Variants in FAM47E observed in about 807,000 individuals in gnomAD.
FAM47E encodes the protein family with sequence similarity 47 member E, also known as protein FAM47E.
FAM47E carries 32 observed loss-of-function variants against 41.6 expected under a neutral mutation model. The ratio of observed to expected loss-of-function variants is 0.77; its 90% CI spans 0.58 to 1.03. The LOEUF is 1.03. FAM47E is among the 50% of genes least tolerant of loss of function. The probability of loss-of-function intolerance (pLI) is 0.00; values close to 1 mark genes in which losing one functional copy is unlikely to be tolerated. For synonymous variants in FAM47E, 184 were observed against 188.7 expected (o/e 0.98, Z 0.20); for missense variants, 424 against 485.4 (o/e 0.87, Z 1.19).
chr4:76,251,162 A>G (rs1034490240), upstream of FAM47E, among the ~76,000 whole-genome samples: 5 of 152,102 alleles, frequency 3.3e-5, no homozygotes, highest in African/African-American at 1.2e-4. Flanking sequence ...GCTGGATGGT[A>G]CTTGTCTGCT....
Position 76,271,653 on chromosome 4 carries a change from C to T in FAM47E, c.755C>T (p.Thr252Met), listed in dbSNP as rs867217004. 18 of 1,552,048 alleles carry T rather than the reference C, an allele frequency of 1.2e-5. No homozygotes were observed. The highest frequency in any genetic ancestry group is 2.7e-5 in the African/African-American group (2 of 73,042). The change falls in exon 5 of 8, where the codon ACG becomes ATG. Residue 252 changes from threonine to methionine, a missense_variant. By Grantham distance (81) the Thr-to-Met change is moderately conservative (BLOSUM62 -1). Coordinates refer to ENST00000424749, the MANE Select transcript of FAM47E (RefSeq NM_001136570.3). ...AAACCAAGCCATGATGCGCTCCACA[C>T]GATGAAGCTAAATCAGGTTCCTCTG... ...ETKPSHDALHTMKLNQVPLEL... is the reference protein window; with the variant it reads ...ETKPSHDALHMMKLNQVPLEL...
In FAM47E at chr4:76,256,538, G is replaced by A; in HGVS notation, c.420+15G>A. 6.6e-7 allele frequency: 1 copy of A among 1,521,754 alleles called. No homozygotes were observed. Among genetic ancestry groups the A allele is most frequent in the Non-Finnish European group, 8.9e-7 (1 of 1,127,726 alleles). 94.3% of individuals were successfully genotyped at this position (1,521,754 alleles called of 1,614,324 possible). On this transcript the variant is annotated intron_variant, in intron 2 of 7. Transcript: ENST00000424749. The stretch of plus-strand genomic sequence containing the variant: ...TGCCCATAGAGGTGATGTGTCCTAG[G>A]GTTTGTGGGAGGGGCTTCACTGGGG...
intron 2 of FAM47E, among the ~76,000 whole-genome samples, chr4:76,220,643 T>A (rs1226614569): frequency 6.6e-6 from 1 of 152,208 alleles, no homozygotes; most frequent in East Asian, 1.9e-4. Flanking sequence ...AATGAAGTCC[T>A]GATACATGCT....
In FAM47E at chr4:76,263,836, C is replaced by G. The variant is rs1734517588; in HGVS notation, c.553C>G (p.Leu185Val). 1.3e-6 allele frequency: 2 copies of G among 1,551,138 alleles called. No homozygotes were observed. Among genetic ancestry groups the G allele is most frequent in the South Asian group, 2.4e-5 (2 of 84,050 alleles). Residue 185 changes from leucine to valine, a missense_variant, in exon 3 of 8, where the codon CTG becomes GTG. Coordinates refer to ENST00000424749, the MANE Select transcript of FAM47E (RefSeq NM_001136570.3). ...LLKKHSTQVY[L>V]GPSKKTSVSN... ...AAAAAAACATTCTACCCAAGTCTACCTGGGACCGTGAGTATTGTTCTTAAC... is the reference window on the plus strand; with the variant it reads ...AAAAAAACATTCTACCCAAGTCTACGTGGGACCGTGAGTATTGTTCTTAAC...
At chr4:76,247,076 A>T (rs1425507732), upstream of FAM47E, among the ~76,000 whole-genome samples, 1 of 152,006 alleles carries the variant, frequency 6.6e-6, no homozygotes, top group African/African-American at 2.4e-5. Context: ...CCTCCAAAAA[A>T]ACCTCTGTAT....
intron 4 of FAM47E, 40 bp from the exon 5 acceptor site, chr4:76,271,528 A>G: frequency 6.5e-7 from 1 of 1,547,864 alleles, no homozygotes; most frequent in South Asian, 1.2e-5. Context: ...AGAGCATTTC[A>G]CCGATTGCCC....
At position 76,280,288 on chromosome 4, in the gene FAM47E, G is replaced by A. The variant is rs777959224; in HGVS notation, c.1051G>A (p.Gly351Arg). 55 of 1,550,348 alleles carry A rather than the reference G, an allele frequency of 3.5e-5. No individual in the cohort carries two copies. The highest frequency in any genetic ancestry group is 3.0e-4 in the South Asian group (25 of 83,970). The change falls in exon 7 of 8, where the codon GGA (glycine) becomes AGA (arginine). Residue 351 changes from glycine (G) to arginine (R), a missense_variant. By Grantham distance (125) the Gly-to-Arg change is moderately radical. Transcript: ENST00000424749. ...EQEELLADLH[G>R]TVAFKDFILS... ...GGAGGAGTTACTTGCAGACCTTCACGGAACAGTTGCCTTTAAGGATTTCAT... is the reference window on the plus strand; with the variant it reads ...GGAGGAGTTACTTGCAGACCTTCACAGAACAGTTGCCTTTAAGGATTTCAT...
chr4:76,241,630 A>G (rs1252641246), intron 2 of FAM47E, among the ~76,000 whole-genome samples: 1 of 152,180 alleles, frequency 6.6e-6, no homozygotes, highest in East Asian at 1.9e-4. Flanking sequence ...TTCCCCTAGA[A>G]GTTGCTAGCT....
intron 1 of FAM47E, among the ~76,000 whole-genome samples, chr4:76,252,403 GTC>G (rs1345814175): frequency 6.6e-6 from 1 of 152,130 alleles, no homozygotes; most frequent in African/African-American, 2.4e-5. Flanking sequence ...AATGGAATTC[GTC>G]TGTCTTGGAG....
intron 1 of FAM47E, among the ~76,000 whole-genome samples, chr4:76,252,600 A>C (rs1475961438): frequency 6.6e-6 from 1 of 152,194 alleles, no homozygotes; most frequent in Non-Finnish European, 1.5e-5. Flanking sequence ...CGTGAGGATT[A>C]ATGGAGATAG....
intron 2 of FAM47E, among the ~76,000 whole-genome samples, chr4:76,227,242 G>T (rs1023424343): frequency 3.0e-4 from 45 of 152,190 alleles, no homozygotes; most frequent in African/African-American, 9.1e-4. Flanking sequence ...ATCGTTCAAA[G>T]AATTTTTTAA....
intron 2 of FAM47E, among the ~76,000 whole-genome samples, chr4:76,244,936 A>G (rs1311842420): frequency 2.0e-5 from 3 of 152,208 alleles, no homozygotes; most frequent in Admixed American, 2.0e-4. Flanking sequence ...TTGTAGTAAA[A>G]GTTTCATTCT....
At chr4:76,271,519 G>C in intron 4 of FAM47E, 49 bp from the exon 5 acceptor site, 3 of 1,543,024 alleles carry the variant, frequency 1.9e-6, no homozygotes, top group Non-Finnish European at 2.6e-6. Context: ...AGAAAGCAAA[G>C]AGCATTTCAC....
chr4:76,266,243 C>T (rs983319895), intron 3 of FAM47E, among the ~76,000 whole-genome samples: 2 of 152,142 alleles, frequency 1.3e-5, no homozygotes, highest in African/African-American at 2.4e-5. Context: ...CTTTTCAGCA[C>T]GTTTACTCAC....
intron 2 of FAM47E, among the ~76,000 whole-genome samples, chr4:76,229,728 T>G (rs186117090): frequency 6.6e-6 from 1 of 152,340 alleles, no homozygotes; most frequent in Admixed American, 6.5e-5. Flanking sequence ...GCACCTGCTC[T>G]GATGGAGGTA....
At chr4:76,237,377 G>GTTTT (rs1247251115) in intron 2 of FAM47E, among the ~76,000 whole-genome samples, 1 of 142,026 alleles carries the variant, frequency 7.0e-6, no homozygotes, top group African/African-American at 2.7e-5. Flanking sequence ...TTGTTTGTTT[G>GTTTT]TTTTTTTTTT....
At chr4:76,218,050 G>A (rs1016266915) in intron 2 of FAM47E, among the ~76,000 whole-genome samples, 9 of 152,286 alleles carry the variant, frequency 5.9e-5, no homozygotes, top group East Asian at 3.9e-4. Flanking sequence ...ACCACAGGCC[G>A]GGCCAGGTGG....
At chr4:76,237,440 A>G (rs1372870031) in intron 2 of FAM47E, among the ~76,000 whole-genome samples, 1 of 150,198 alleles carries the variant, frequency 6.7e-6, no homozygotes, top group Non-Finnish European at 1.5e-5. Context: ...GTGAAGGTAT[A>G]TAGGACTCAG....
chr4:76,258,729 C>T (rs1734286815), intron 2 of FAM47E, among the ~76,000 whole-genome samples: 2 of 152,162 alleles, frequency 1.3e-5, no homozygotes, highest in African/African-American at 2.4e-5. Flanking sequence ...AAATCACAAT[C>T]CTGAAAGATT....
Sources: allele counts gnomAD v4.1 joint callset (sites outside exome capture counted in the v4.1 genomes callset), GRCh38; gene constraint gnomAD v4.1.1; transcripts MANE v1.5; gene names NCBI Gene and HGNC (gene_info 2026-07-23, HGNC 2026-07-21).